PALM2AKAP2: variants seen among roughly 807,000 people sequenced by gnomAD.
PALM2AKAP2 encodes PALM2 and AKAP2 fusion.
A neutral mutation model predicts 71.5 loss-of-function variants in PALM2AKAP2; 37 were observed. The observed-to-expected ratio is 0.52, with a 90% CI of 0.40 to 0.68. PALM2AKAP2 has a LOEUF of 0.68. Among genes scored for constraint, PALM2AKAP2 ranks in the 30% least tolerant of loss-of-function variants. The probability of loss-of-function intolerance (pLI) is 0.00; values close to 1 mark genes in which losing one functional copy is unlikely to be tolerated. For missense variants in PALM2AKAP2, 1,224 were observed against 1,191.8 expected (o/e 1.03, Z -0.40); for synonymous variants, 468 against 478.8 (o/e 0.98, Z 0.29).
At chr9:109,836,809 TGAGAA>T (rs1394055350) in intron 1 of PALM2AKAP2, among the ~76,000 whole-genome samples, 3 of 151,890 alleles carry the variant, frequency 2.0e-5, no homozygotes, top group Non-Finnish European at 2.9e-5. Context: ...TGAAATGAAG[TGAGAA>T]GAGAAGTTTA....
At chr9:109,867,648 C>G (rs960627609) in intron 2 of PALM2AKAP2, 77 bp downstream of exon 2, 77 of 1,494,842 alleles carry the variant, frequency 5.2e-5, no homozygotes, top group Non-Finnish European at 1.8e-6. Context: ...CAGTGCCTGC[C>G]CTGCCGTGAA....
chr9:109,875,476 T>A (rs1829701080), intron 2 of PALM2AKAP2, among the ~76,000 whole-genome samples: 1 of 152,150 alleles, frequency 6.6e-6, no homozygotes, highest in African/African-American at 2.4e-5. Flanking sequence ...AGGAAAGGGA[T>A]AAGAGAGCCA....
chr9:109,894,713 A>C (rs948178706), intron 3 of PALM2AKAP2, among the ~76,000 whole-genome samples: 1 of 152,170 alleles, frequency 6.6e-6, no homozygotes, highest in Non-Finnish European at 1.5e-5. Flanking sequence ...TGACCATAAA[A>C]TCTTGAGCAA....
At chr9:110,117,407 G>T (rs1020600183) in intron 1 of PALM2AKAP2, among the ~76,000 whole-genome samples, 2 of 152,188 alleles carry the variant, frequency 1.3e-5, no homozygotes, top group African/African-American at 4.8e-5. Flanking sequence ...TTACAGACAC[G>T]AGCCACTGTA....
Position 109,726,393 on chromosome 9 carries a change from G to A in PALM2AKAP2, c.6-54095G>A, listed in dbSNP as rs1200472066. Among the ~76,000 whole-genome samples, 5 of 152,362 alleles carry A rather than the reference G, an allele frequency of 3.3e-5. No individual in the cohort carries two copies. In the East Asian group the frequency reaches 5.8e-4, roughly 18 times the overall value. ...GCCCAGCATCTGCCGGGTCAGCAGA[G>A]CAGGCTCCTGTACTGCGTTCAGTGG... On this transcript the variant is annotated intron_variant, in intron 1 of 6. Coordinates refer to the PALM2AKAP2 transcript ENST00000374531.
intron 7 of PALM2AKAP2, among the ~76,000 whole-genome samples, chr9:110,020,798 A>G (rs1440589226): frequency 6.6e-6 from 1 of 152,068 alleles, no homozygotes; most frequent in African/African-American, 2.4e-5. Context: ...ATTTGGAAAA[A>G]AAGTCTTTGC....
rs75926568 is a variant in PALM2AKAP2, at chr9:109,754,035, A to T, written c.6-26453A>T. Among the ~76,000 whole-genome samples the T allele has an allele frequency of 2.5e-3, 379 of 152,308 alleles. 3 individuals are homozygous for T. The highest frequency in any genetic ancestry group is 7.3e-3 in the East Asian group (38 of 5,188). On this transcript the variant is annotated intron_variant, in intron 1 of 6. Coordinates refer to the PALM2AKAP2 transcript ENST00000374531. Reference sequence around the variant, plus strand: ...TCTGCATATACACAACTTTTCAGTGATTGTTACTGTACTCTGCACATTGCT... The same window carrying T: ...TCTGCATATACACAACTTTTCAGTGTTTGTTACTGTACTCTGCACATTGCT...
intron 1 of PALM2AKAP2, among the ~76,000 whole-genome samples, chr9:110,088,415 A>C (rs58732217): frequency 0.28 from 43,080 of 151,984 alleles, 7,986 homozygotes; most frequent in African/African-American, 0.52. Context: ...ATTTGGCCCA[A>C]GGCCAACCTG....
chr9:110,148,151 T>C (rs1015028216), intron 2 of PALM2AKAP2, among the ~76,000 whole-genome samples: 4 of 152,192 alleles, frequency 2.6e-5, no homozygotes, highest in African/African-American at 9.7e-5. Context: ...AGAATTACTA[T>C]TCACCATAAT....
chr9:109,856,150 A>G (rs1411009215), intron 1 of PALM2AKAP2, among the ~76,000 whole-genome samples: 2 of 152,220 alleles, frequency 1.3e-5, no homozygotes, highest in East Asian at 1.9e-4. Context: ...TTAGAGTTTT[A>G]TGTGTTCAAA....
chr9:110,017,916 C>T (rs568307760), intron 7 of PALM2AKAP2, among the ~76,000 whole-genome samples: 2 of 151,974 alleles, frequency 1.3e-5, no homozygotes, highest in Admixed American at 6.6e-5. Flanking sequence ...TCAGTAGAGA[C>T]GGGGTTTCAC....
rs1835013563 is a variant in PALM2AKAP2, at chr9:110,102,096, T to TG, written c.157-34030dup. Among the ~76,000 whole-genome samples, 3 of 152,212 alleles carry TG rather than the reference T, an allele frequency of 2.0e-5. No individual in the cohort carries two copies. The South Asian group carries it at 6.2e-4, about 31-fold the overall frequency. On this transcript the variant is annotated intron_variant, in intron 1 of 3. Transcript: ENST00000374525. ...GAGGTCCAGCAGCTTGTCTTAACAG[T>TG]GAACAGGTGCAAAACCAAGATTTGA... is the stretch of plus-strand genomic sequence containing the variant.
intron 7 of PALM2AKAP2, among the ~76,000 whole-genome samples, chr9:110,039,062 A>G (rs2132451103): frequency 6.6e-6 from 1 of 152,218 alleles, no homozygotes; most frequent in Non-Finnish European, 1.5e-5. Context: ...CAGCCTGTGC[A>G]ACATGGGGAA....
At chr9:109,768,860 C>T (rs1472520895) in intron 1 of PALM2AKAP2, among the ~76,000 whole-genome samples, 2 of 152,140 alleles carry the variant, frequency 1.3e-5, no homozygotes, top group Admixed American at 1.3e-4. Flanking sequence ...TGGCTCATGC[C>T]TATAATCCTA....
intron 1 of PALM2AKAP2, among the ~76,000 whole-genome samples, chr9:109,721,726 T>C (rs1048513543): frequency 6.6e-6 from 1 of 152,160 alleles, no homozygotes; most frequent in African/African-American, 2.4e-5. Flanking sequence ...CATTGTCTGG[T>C]TGAGATCTAG....
chr9:109,880,656 A>C lies in PALM2AKAP2; in HGVS notation c.232A>C (p.Lys78Gln). 1 of 1,613,990 alleles carries C rather than the reference A, an allele frequency of 6.2e-7. No individual in the cohort carries two copies. The highest frequency in any genetic ancestry group is 2.2e-5 in the East Asian group (1 of 44,870). ...GTCTGAAGAGGATGAGTTCAGAGTCAAGCAACTTGAAGATAACATTCAGAG... is the reference window on the plus strand; with the variant it reads ...GTCTGAAGAGGATGAGTTCAGAGTCCAGCAACTTGAAGATAACATTCAGAG... Residue 78 changes from lysine (K) to glutamine (Q), a missense_variant, in exon 3 of 10, where the codon AAG becomes CAG. By Grantham distance (53) the Lys-to-Gln change is moderately conservative (BLOSUM62 1). Transcript: ENST00000302798.
At chr9:109,652,999 GT>G (rs1827246800) in intron 1 of PALM2AKAP2, among the ~76,000 whole-genome samples, 1 of 152,160 alleles carries the variant, frequency 6.6e-6, no homozygotes, top group Admixed American at 6.5e-5. Flanking sequence ...AATCTTTAAT[GT>G]TTGGACTAGT....
chr9:110,002,643 T>C (rs1041296630), intron 6 of PALM2AKAP2, among the ~76,000 whole-genome samples: 3 of 152,228 alleles, frequency 2.0e-5, no homozygotes, highest in Admixed American at 1.3e-4. Context: ...AGAATTCAGC[T>C]GTGAATCTAT....
At chr9:109,753,480 C>CA (rs1828913967) in intron 1 of PALM2AKAP2, among the ~76,000 whole-genome samples, 1 of 152,182 alleles carries the variant, frequency 6.6e-6, no homozygotes, top group Non-Finnish European at 1.5e-5. Flanking sequence ...TACTGAAAGA[C>CA]AGTTTGTGAC....
Sources: gnomAD v4.1 joint callset for allele counts (sites outside exome capture counted in the v4.1 genomes callset) on GRCh38, gnomAD v4.1.1 for gene constraint, MANE v1.5 for transcripts, NCBI Gene and HGNC (gene_info 2026-07-23, HGNC 2026-07-21) for gene names.